DPP6: variants seen among roughly 807,000 people sequenced by gnomAD.
The protein encoded by DPP6 is A-type potassium channel modulatory protein DPP6.
DPP6 carries 69 observed loss-of-function variants against 122.6 expected under a neutral mutation model. That is an observed-to-expected ratio of 0.56 (90% CI 0.46 to 0.69). The LOEUF is 0.69. Among genes scored for constraint, DPP6 ranks in the 30% least tolerant of loss-of-function variants. The pLI, the probability that DPP6 is intolerant of heterozygous loss-of-function variation, is 0.00. For missense variants in DPP6, 928 were observed against 1,116.9 expected, an observed-to-expected ratio of 0.83 and a Z score of 2.41; for synonymous variants, 418 against 433.1, an observed-to-expected ratio of 0.97 and a Z score of 0.43.
intron 2 of DPP6, among the ~76,000 whole-genome samples, chr7:154,463,655 A>G (rs148427561): frequency 9.5e-4 from 144 of 152,116 alleles, no homozygotes; most frequent in Non-Finnish European, 1.7e-3. Context: ...CTGATTATTT[A>G]GGGCCCAAGG....
intron 21 of DPP6, among the ~76,000 whole-genome samples, chr7:154,882,990 C>G (rs1004590187): frequency 6.6e-6 from 1 of 152,138 alleles, no homozygotes; most frequent in Non-Finnish European, 1.5e-5. Context: ...GCTCCCAACA[C>G]GCATGCTCAC....
chr7:154,154,478 G>A (rs1341715120), intron 1 of DPP6, among the ~76,000 whole-genome samples: 1 of 152,158 alleles, frequency 6.6e-6, no homozygotes, highest in African/African-American at 2.4e-5. Context: ...GCAAACTGAT[G>A]CTTTCAGTAA....
rs998090934 is a variant in DPP6 at position 154,738,037 on chromosome 7, G to T, written c.883+10150G>T. Reference sequence around the variant, plus strand: ...ATAAGAAATTGCCAACAGGTTCATTGTATATTAGCATGTGCATGTGAGATG... The same window carrying T: ...ATAAGAAATTGCCAACAGGTTCATTTTATATTAGCATGTGCATGTGAGATG... On this transcript the variant is annotated intron_variant, in intron 8 of 25. Transcript: ENST00000377770. 3.9e-5 allele frequency among the ~76,000 whole-genome samples: 6 copies of T among 152,350 alleles called. No individual in the cohort carries two copies. In the East Asian group the frequency reaches 1.2e-3, roughly 29 times the overall value.
chr7:153,963,075 C>T (rs1330154871), intron 1 of DPP6, among the ~76,000 whole-genome samples: 6 of 152,142 alleles, frequency 3.9e-5, no homozygotes, highest in Non-Finnish European at 5.9e-5. Context: ...TTAAAGACCC[C>T]TGAGCTAAGA....
intron 1 of DPP6, among the ~76,000 whole-genome samples, chr7:153,989,541 G>A (rs1174622533): frequency 3.3e-5 from 5 of 151,880 alleles, no homozygotes; most frequent in Non-Finnish European, 5.9e-5. Flanking sequence ...GCCAGAAGCC[G>A]GACTCCAGCT....
chr7:154,116,465 C>T (rs1280750642), intron 1 of DPP6, among the ~76,000 whole-genome samples: 1 of 152,184 alleles, frequency 6.6e-6, no homozygotes, highest in African/African-American at 2.4e-5. Flanking sequence ...TGCAGCAGTT[C>T]ATTTGTGATT....
chr7:153,907,833 A>G (rs769502971), intron 1 of DPP6, among the ~76,000 whole-genome samples: 18 of 152,138 alleles, frequency 1.2e-4, no homozygotes, highest in Non-Finnish European at 2.2e-4. Flanking sequence ...AAATCTTTCT[A>G]TATACGTATG....
rs142235543 is a variant in DPP6, at chr7:154,819,339, C to T, written c.1666+12227C>T. Among the ~76,000 whole-genome samples the T allele has an allele frequency of 7.5e-3, 1,146 of 152,248 alleles. 12 individuals carry two copies. The highest frequency in any genetic ancestry group is 0.026 in the African/African-American group (1,078 of 41,548). On this transcript the variant is annotated intron_variant, in intron 16 of 25. Transcript: ENST00000377770. ...CTGAGACAGGAGAATCACTTGAACC[C>T]GGGAAGCAGAGGTTGCAGTGAGCTG...
chr7:154,114,396 T>A (rs1806827925), intron 1 of DPP6, among the ~76,000 whole-genome samples: 1 of 152,070 alleles, frequency 6.6e-6, no homozygotes, highest in Non-Finnish European at 1.5e-5. Flanking sequence ...ATATGAAGGC[T>A]AAATGAGATC....
At chr7:153,758,310 G>C in the DPP6 span, among the ~76,000 whole-genome samples, 3 of 152,208 alleles carry the variant, frequency 2.0e-5, no homozygotes, top group African/African-American at 7.2e-5. Flanking sequence ...TACCTCTTTT[G>C]TTCTTGAAAA....
chr7:153,900,797 T>C (rs1026072033), intron 1 of DPP6, among the ~76,000 whole-genome samples: 4 of 152,194 alleles, frequency 2.6e-5, no homozygotes, highest in Non-Finnish European at 4.4e-5. Flanking sequence ...TTATTTTTTA[T>C]TTTCAGCCTT....
At chr7:153,757,057 GAATTTTATAGGACCCTCA>G in the DPP6 span, among the ~76,000 whole-genome samples, 1 of 123,124 alleles carries the variant, frequency 8.1e-6, no homozygotes, top group Non-Finnish European at 1.8e-5. Context: ...AGAGTGATTG[GAATTTTATAGGACCCTCA>G]AATCTAATAT....
chr7:154,102,267 G>T (rs773122025), intron 1 of DPP6, among the ~76,000 whole-genome samples: 65 of 152,150 alleles, frequency 4.3e-4, no homozygotes, highest in Non-Finnish European at 6.9e-4. Context: ...TCGGCTCACT[G>T]CAACCTTTGC....
intron 5 of DPP6, among the ~76,000 whole-genome samples, chr7:154,593,778 CAGAA>C (rs903774849): frequency 1.3e-5 from 2 of 152,166 alleles, no homozygotes; most frequent in African/African-American, 2.4e-5. Context: ...GGAGCTCAAA[CAGAA>C]AGAGAGTAAA....
intron 3 of DPP6, among the ~76,000 whole-genome samples, chr7:154,488,469 C>G (rs570934582): frequency 6.6e-6 from 1 of 151,700 alleles, no homozygotes; most frequent in East Asian, 1.9e-4. Flanking sequence ...AAAAAGAAAG[C>G]AGACACACCC....
At chr7:154,700,302 T>C (rs925378613) in intron 7 of DPP6, among the ~76,000 whole-genome samples, 14 of 152,326 alleles carry the variant, frequency 9.2e-5, no homozygotes, top group African/African-American at 3.4e-4. Flanking sequence ...CAAGATCTGG[T>C]TTCCCTTGTC....
At chr7:154,791,426 G>T (rs1260092363) in intron 10 of DPP6, among the ~76,000 whole-genome samples, 1 of 152,146 alleles carries the variant, frequency 6.6e-6, no homozygotes, top group Non-Finnish European at 1.5e-5. Context: ...AGGCAAGAGA[G>T]CGTGTGCAGG....
rs1373623483 is a variant in DPP6, at chr7:154,885,754, C to G, written c.2245+10C>G. 5.1e-6 allele frequency: 8 copies of G among 1,578,330 alleles called. No individual in the cohort carries two copies. Among genetic ancestry groups the G allele is most frequent in the Non-Finnish European group, 6.9e-6 (8 of 1,161,972 alleles). ...GACTTCAAACTCTATGGTAAATAGCCCTGCAGGACCAAGCGACGGGCTCTG... is the reference window on the plus strand; with the variant it reads ...GACTTCAAACTCTATGGTAAATAGCGCTGCAGGACCAAGCGACGGGCTCTG... On this transcript the variant is annotated intron_variant, in intron 22 of 25. Transcript: ENST00000377770.
At chr7:154,477,438 T>C (rs910341593) in intron 3 of DPP6, among the ~76,000 whole-genome samples, 27 of 152,110 alleles carry the variant, frequency 1.8e-4, no homozygotes, top group Admixed American at 1.6e-3. Context: ...GACGCCATGA[T>C]ATGTTGAAAT....
Sources: gnomAD v4.1 joint callset for allele counts (sites outside exome capture counted in the v4.1 genomes callset) on GRCh38, gnomAD v4.1.1 for gene constraint, MANE v1.5 for transcripts, NCBI Gene and HGNC (gene_info 2026-07-23, HGNC 2026-07-21) for gene names.